Variants in KIT observed in about 807,000 individuals in gnomAD.
KIT encodes mast/stem cell growth factor receptor Kit.
A neutral mutation model predicts 105.7 loss-of-function variants in KIT; 16 were observed. The observed-to-expected ratio is 0.15, with a 90% CI of 0.10 to 0.23. The LOEUF (loss-of-function observed/expected upper bound fraction) is 0.23. KIT is among the 10% of genes least tolerant of loss of function. The pLI, the probability that KIT is intolerant of heterozygous loss-of-function variation, is 1.00. For synonymous variants in KIT, 438 were observed against 441.1 expected, an observed-to-expected ratio of 0.99 and a Z score of 0.09; for missense variants, 858 against 1,213.8, an observed-to-expected ratio of 0.71 and a Z score of 4.36.
intron 7 of KIT, among the ~76,000 whole-genome samples, chr4:54,721,880 A>T (rs1397155574): frequency 6.6e-6 from 1 of 152,232 alleles, no homozygotes; most frequent in African/African-American, 2.4e-5. Flanking sequence ...AGGAATTTTT[A>T]GATTATTGAG....
At chr4:54,665,077 T>C (rs773349423) in intron 1 of KIT, among the ~76,000 whole-genome samples, 1 of 152,098 alleles carries the variant, frequency 6.6e-6, no homozygotes, top group Non-Finnish European at 1.5e-5. Context: ...CAACCACCAT[T>C]CTACTTTCTG....
At chr4:54,664,568 G>C (rs574915801) in intron 1 of KIT, among the ~76,000 whole-genome samples, 12 of 150,342 alleles carry the variant, frequency 8.0e-5, no homozygotes, top group African/African-American at 2.7e-4. Flanking sequence ...AAGACTAAGG[G>C]AGAGTCTGTT....
intron 8 of KIT, among the ~76,000 whole-genome samples, chr4:54,725,420 A>G (rs1722153177): frequency 6.6e-6 from 1 of 151,970 alleles, no homozygotes; most frequent in African/African-American, 2.4e-5. Context: ...AAGATTTTTT[A>G]TGCTTTCCTC....
At chr4:54,718,862 T>C (rs573103212) in intron 7 of KIT, among the ~76,000 whole-genome samples, 29 of 152,360 alleles carry the variant, frequency 1.9e-4, no homozygotes, top group African/African-American at 7.0e-4. Flanking sequence ...ATGTCCAAAA[T>C]ATCTATCCTG....
Position 54,738,390 on chromosome 4 carries a change from T to C in KIT, c.2803-39T>C, listed in dbSNP as rs201999061. The stretch of plus-strand genomic sequence containing the variant: ...ATGCCTTTTGTTGCTATGTTCGTTG[T>C]AGGGACTGCTGTATTGACTATGGGC... On this transcript the variant is annotated intron_variant, in intron 20 of 20. Coordinates refer to ENST00000288135, the MANE Select transcript of KIT (RefSeq NM_000222.3). 1.9e-6 allele frequency: 3 copies of C among 1,612,548 alleles called. No individual in the cohort carries two copies. In the African/African-American group the frequency reaches 4.0e-5, roughly 22 times the overall value.
intron 4 of KIT, among the ~76,000 whole-genome samples, chr4:54,700,838 A>G (rs1720410794): frequency 6.6e-6 from 1 of 152,208 alleles, no homozygotes; most frequent in Non-Finnish European, 1.5e-5. Flanking sequence ...GAAGCCTGCC[A>G]TTGACTGGTA....
rs145499481 is a variant in KIT, at chr4:54,667,805, A to G, written c.67+9724A>G. On this transcript the variant is annotated intron_variant, in intron 1 of 20. Coordinates refer to ENST00000288135, the MANE Select transcript of KIT (RefSeq NM_000222.3). Reference sequence around the variant, plus strand: ...CAGAGAAATAACTTTTAAAAATGGAAAAGTATGGATATCACTTTTGCATGT... The same window carrying G: ...CAGAGAAATAACTTTTAAAAATGGAGAAGTATGGATATCACTTTTGCATGT... Among the ~76,000 whole-genome samples, 171 of 152,316 alleles carry G rather than the reference A, an allele frequency of 1.1e-3. 1 individual carries two copies. The highest frequency in any genetic ancestry group is 3.8e-3 in the African/African-American group (159 of 41,562).
At chr4:54,687,766 T>G (rs1719421327) in intron 1 of KIT, among the ~76,000 whole-genome samples, 1 of 152,108 alleles carries the variant, frequency 6.6e-6, no homozygotes, top group Admixed American at 6.6e-5. Context: ...TAGAAACACA[T>G]ACACGTGCAA....
intron 13 of KIT, among the ~76,000 whole-genome samples, chr4:54,728,660 GT>G (rs1386716659): frequency 6.6e-6 from 1 of 152,168 alleles, no homozygotes; most frequent in East Asian, 1.9e-4. Context: ...AAAATGAGCT[GT>G]TTCTGGAGAT....
intron 3 of KIT, among the ~76,000 whole-genome samples, chr4:54,699,031 GA>G (rs1198881125): frequency 6.6e-6 from 1 of 152,192 alleles, no homozygotes; most frequent in Non-Finnish European, 1.5e-5. Context: ...GTTGACTGTG[GA>G]ACTTGTTATG....
intron 1 of KIT, among the ~76,000 whole-genome samples, chr4:54,690,067 G>GC (rs1305821437): frequency 7.1e-6 from 1 of 141,022 alleles, no homozygotes; most frequent in African/African-American, 2.5e-5. Context: ...GTGGGGGGGG[G>GC]GGGCTGTGTA....
At chr4:54,738,296 C>T (rs1343491219) in intron 20 of KIT, 133 bp from the exon 21 acceptor site, 16 of 1,133,544 alleles carry the variant, frequency 1.4e-5, no homozygotes, top group Non-Finnish European at 1.9e-5. Context: ...GTTTTGGCCA[C>T]AAAGTTCTTG....
chr4:54,662,828 C>T (rs1434457699), intron 1 of KIT, among the ~76,000 whole-genome samples: 1 of 152,150 alleles, frequency 6.6e-6, no homozygotes, highest in Non-Finnish European at 1.5e-5. Context: ...CTGCCTCGGC[C>T]TCCCAAAGTG....
intron 8 of KIT, among the ~76,000 whole-genome samples, chr4:54,724,190 G>C (rs1722075714): frequency 6.6e-6 from 1 of 152,216 alleles, no homozygotes; most frequent in Non-Finnish European, 1.5e-5. Context: ...CCCCTGAACA[G>C]AGAACATCTG....
chr4:54,707,776 A>G (rs1437905506), intron 6 of KIT, among the ~76,000 whole-genome samples: 1 of 152,224 alleles, frequency 6.6e-6, no homozygotes, highest in Non-Finnish European at 1.5e-5. Flanking sequence ...CAGGTAAGAC[A>G]TAAGTGCTTT....
intron 4 of KIT, 95 bp downstream of exon 4, chr4:54,699,861 A>G (rs1720343559): frequency 7.4e-7 from 1 of 1,353,258 alleles, no homozygotes; most frequent in African/African-American, 1.4e-5. Flanking sequence ...TGCCTCGACT[A>G]GTGCGTCTGT....
chr4:54,720,990 C>A (rs1721833949), intron 7 of KIT, among the ~76,000 whole-genome samples: 1 of 152,182 alleles, frequency 6.6e-6, no homozygotes, highest in Non-Finnish European at 1.5e-5. Flanking sequence ...CAGGTCTCTT[C>A]TTGTGACTCT....
At chr4:54,721,401 C>A (rs1038000212) in intron 7 of KIT, among the ~76,000 whole-genome samples, 1 of 152,210 alleles carries the variant, frequency 6.6e-6, no homozygotes, top group African/African-American at 2.4e-5. Context: ...TCAGCCTGAT[C>A]ACACAGTTGC....
chr4:54,697,295 G>C (rs1317140176), intron 2 of KIT, among the ~76,000 whole-genome samples: 1 of 152,024 alleles, frequency 6.6e-6, no homozygotes, highest in Non-Finnish European at 1.5e-5. Flanking sequence ...ATTGATCAAG[G>C]ATAAAACACA....
Sources: gnomAD v4.1 joint callset for allele counts (sites outside exome capture counted in the v4.1 genomes callset) on GRCh38, gnomAD v4.1.1 for gene constraint, MANE v1.5 for transcripts, NCBI Gene and HGNC (gene_info 2026-07-23, HGNC 2026-07-21) for gene names.